WASF1: variants seen among roughly 807,000 people sequenced by gnomAD.
WASF1 encodes WASP family member 1.
Under a neutral mutation model 50.5 loss-of-function variants are expected in WASF1, and 7 were observed. The observed-to-expected ratio is 0.14, with a 90% CI of 0.08 to 0.26. The LOEUF (loss-of-function observed/expected upper bound fraction) is 0.26. Ranked by LOEUF, WASF1 falls within the 10% of genes least tolerant of loss-of-function variation. The pLI is 1.00. For missense variants in WASF1, 470 were observed against 694.7 expected, an observed-to-expected ratio of 0.68 and a Z score of 3.64; for synonymous variants, 205 against 244.0, an observed-to-expected ratio of 0.84 and a Z score of 1.49.
chr6:110,162,973 T>G (rs1055986359), intron 2 of WASF1, among the ~76,000 whole-genome samples: 4 of 151,588 alleles, frequency 2.6e-5, no homozygotes. Context: ...ATGACATAAT[T>G]GTCTACACAG....
In WASF1 at chr6:110,103,479, C is replaced by A; in HGVS notation, c.792G>T (p.Leu264=). 6.2e-7 allele frequency: 1 copy of A among 1,614,008 alleles called. No homozygotes were observed. The highest frequency in any genetic ancestry group is 8.5e-7 in the Non-Finnish European group (1 of 1,179,948). ...ALPFSQMSEL[L]TRAEERVLVR... is the part of the protein sequence containing the mutation. ...CTAATACCCTTTCCTCAGCTCTAGT[C>A]AGAAGCTCACTCATCTGACTAAATG... The change falls in exon 9 of 11, where the codon CTG becomes CTT. Residue 264 remains leucine (L), a synonymous_variant. Coordinates refer to ENST00000392589, the MANE Select transcript of WASF1 (RefSeq NM_003931.3).
intron 2 of WASF1, among the ~76,000 whole-genome samples, chr6:110,172,209 T>C (rs568849621): frequency 9.2e-5 from 14 of 152,220 alleles, no homozygotes; most frequent in Non-Finnish European, 2.1e-4. Context: ...TTACAAATCA[T>C]GCTACTATAA....
intron 3 of WASF1, among the ~76,000 whole-genome samples, chr6:110,145,068 A>G (rs1775486375): frequency 6.6e-6 from 1 of 152,124 alleles, no homozygotes; most frequent in African/African-American, 2.4e-5. Context: ...CATTTTCACG[A>G]AACTGTTTCT....
chr6:110,113,302 A>G, intron 5 of WASF1, 24 bp downstream of exon 5: 1 of 1,504,254 alleles, frequency 6.6e-7, no homozygotes, highest in South Asian at 1.4e-5. Context: ...TACGTAGAAG[A>G]AAATACAATA....
At chr6:110,105,620 C>T (rs1368527868) in intron 7 of WASF1, 41 bp from the exon 8 acceptor site, 11 of 1,583,578 alleles carry the variant, frequency 6.9e-6, no homozygotes, top group South Asian at 6.8e-5. Flanking sequence ...TGCTTAAGCG[C>T]TAATTTTTAA....
chr6:110,119,298 C>T (rs1379210833), intron 4 of WASF1, among the ~76,000 whole-genome samples: 2 of 151,838 alleles, frequency 1.3e-5, no homozygotes, highest in East Asian at 3.9e-4. Flanking sequence ...GCTAGCAAGA[C>T]TAATAAACAA....
chr6:110,119,880 T>C (rs1774009330), intron 4 of WASF1, among the ~76,000 whole-genome samples: 1 of 152,120 alleles, frequency 6.6e-6, no homozygotes, highest in South Asian at 2.1e-4. Context: ...GCAAGGCTGG[T>C]TCAACATATG....
chr6:110,116,139 A>G (rs934789552), intron 4 of WASF1, among the ~76,000 whole-genome samples: 4 of 152,332 alleles, frequency 2.6e-5, no homozygotes, highest in East Asian at 3.9e-4. Flanking sequence ...TGATTTCTGC[A>G]TTTCCAACTG....
chr6:110,113,766 T>C (rs190627535), intron 4 of WASF1, among the ~76,000 whole-genome samples: 5 of 152,214 alleles, frequency 3.3e-5, no homozygotes, highest in African/African-American at 1.2e-4. Flanking sequence ...ATGAACCACA[T>C]AGCCTAAAAA....
chr6:110,176,370 G>A (rs910455330), intron 2 of WASF1, among the ~76,000 whole-genome samples: 3 of 151,854 alleles, frequency 2.0e-5, no homozygotes, highest in Admixed American at 6.6e-5. Context: ...CATAAAGTGA[G>A]CTATAAGAAG....
chr6:110,114,376 A>T (rs1282819743), intron 4 of WASF1, among the ~76,000 whole-genome samples: 1 of 152,236 alleles, frequency 6.6e-6, no homozygotes, highest in East Asian at 1.9e-4. Context: ...GTGGTTGCTT[A>T]GCATTTCAAG....
intron 2 of WASF1, among the ~76,000 whole-genome samples, chr6:110,161,506 C>T (rs73535843): frequency 0.027 from 4,157 of 151,610 alleles, 182 homozygotes; most frequent in African/African-American, 0.094. Flanking sequence ...TTAAGAGTAC[C>T]TTATTTTACC....
At position 110,127,734 on chromosome 6, in the gene WASF1, T is replaced by C. The variant is rs911343893; in HGVS notation, c.-28-105A>G. 10 of 1,108,558 alleles carry C rather than the reference T, an allele frequency of 9.0e-6. No individual in the cohort carries two copies. In the African/African-American group the frequency reaches 1.5e-4, roughly 16 times the overall value. The allele number at this position is 1,108,558 out of a possible 1,614,324, so 68.7% of individuals were successfully genotyped here. On this transcript the variant is annotated intron_variant, in intron 3 of 10. Coordinates refer to ENST00000392589, the MANE Select transcript of WASF1 (RefSeq NM_003931.3). ...AAGCACTGTTGACCCTTGAACAACA[T>C]GGATTTGAACTGCCTGGGTCCACTT...
intron 4 of WASF1, among the ~76,000 whole-genome samples, 175 bp from the exon 5 acceptor site, chr6:110,113,635 G>A (rs912669526): frequency 1.3e-5 from 2 of 152,000 alleles, no homozygotes. Context: ...GAATTTATTT[G>A]GAATTACAGT....
At chr6:110,159,961 G>C (rs1193985560) in intron 3 of WASF1, among the ~76,000 whole-genome samples, 1 of 151,696 alleles carries the variant, frequency 6.6e-6, no homozygotes, top group Non-Finnish European at 1.5e-5. Context: ...CTTTAACATA[G>C]CTCTAAAAGA....
intron 5 of WASF1, among the ~76,000 whole-genome samples, chr6:110,112,167 T>C (rs1358166771): frequency 6.6e-6 from 1 of 151,952 alleles, no homozygotes; most frequent in Non-Finnish European, 1.5e-5. Context: ...AGTATTTTTA[T>C]TGTTAAAGTT....
chr6:110,171,665 G>A (rs1776720609), intron 2 of WASF1, among the ~76,000 whole-genome samples: 1 of 152,010 alleles, frequency 6.6e-6, no homozygotes, highest in Non-Finnish European at 1.5e-5. Flanking sequence ...GGCAACAAAA[G>A]CCAAAATAAG....
At chr6:110,150,980 T>C (rs1328085892) in intron 3 of WASF1, among the ~76,000 whole-genome samples, 1 of 152,142 alleles carries the variant, frequency 6.6e-6, no homozygotes, top group East Asian at 1.9e-4. Context: ...AAGGTTGCAG[T>C]GAACTGAGAT....
intron 1 of WASF1, among the ~76,000 whole-genome samples, chr6:110,179,123 G>A (rs532573125): frequency 2.6e-3 from 395 of 152,266 alleles, no homozygotes; most frequent in Middle Eastern, 0.017. Context: ...GGGTGGGCAG[G>A]GAAGCCCGGG....
Sources: gnomAD v4.1 joint callset for allele counts (sites outside exome capture counted in the v4.1 genomes callset) on GRCh38, gnomAD v4.1.1 for gene constraint, MANE v1.5 for transcripts, NCBI Gene and HGNC (gene_info 2026-07-23, HGNC 2026-07-21) for gene names.